Variants in CDK9 observed in about 807,000 individuals in gnomAD.
The protein encoded by CDK9 is cyclin-dependent kinase 9.
Under a neutral mutation model 39.0 loss-of-function variants are expected in CDK9, and 34 were observed. That is an observed-to-expected ratio of 0.87 (90% CI 0.66 to 1.16). The LOEUF is 1.16. CDK9 is among the 50% of genes most tolerant of loss of function. CDK9 has a pLI of 0.00. For missense variants in CDK9, 369 were observed against 503.2 expected (o/e 0.73, Z 2.55); for synonymous variants, 233 against 196.2 (o/e 1.19, Z -1.57).
chr9:127,789,044 T>G lies in CDK9; in HGVS notation c.754-134T>G, dbSNP rs1025022662. The G allele has an allele frequency of 2.4e-5, 29 of 1,193,928 alleles. No individual in the cohort carries two copies. Among genetic ancestry groups the G allele is most frequent in the Admixed American group, 1.2e-4 (5 of 40,140 alleles). 74.0% of individuals were successfully genotyped at this position (1,193,928 alleles called of 1,614,324 possible). Reference sequence around the variant, plus strand: ...GCCAATCCATAGCGGGCACTGCTTCTGGGAGGGGTCGAGTAGCAGTCTGGG... The same window carrying G: ...GCCAATCCATAGCGGGCACTGCTTCGGGGAGGGGTCGAGTAGCAGTCTGGG... On this transcript the variant is annotated intron_variant, in intron 6 of 6. Transcript: ENST00000373264. This position sits in a 1 kb window ranked among gnomAD's most constrained non-coding sequence, Gnocchi z 5.2.
intron 2 of CDK9, 113 bp from the exon 3 acceptor site, chr9:127,787,405 G>A (rs1295667517): frequency 1.5e-6 from 1 of 660,204 alleles, no homozygotes; most frequent in African/African-American, 1.8e-5. Flanking sequence ...GAGACAGCTG[G>A]TTTCAGAGCC....
Position 127,790,276 on chromosome 9 carries a change from T to G in CDK9, c.*733T>G, listed in dbSNP as rs934074669. 1 of 152,232 alleles carries G rather than the reference T, an allele frequency of 6.6e-6. No individual in the cohort carries two copies. The highest frequency in any genetic ancestry group is 1.5e-5 in the Non-Finnish European group (1 of 68,054). 9.4% of individuals were successfully genotyped at this position (152,232 alleles called of 1,614,324 possible). On this transcript the variant is annotated 3_prime_UTR_variant, in exon 7 of 7. Coordinates refer to ENST00000373264, the MANE Select transcript of CDK9 (RefSeq NM_001261.4). ...AAAGGACCTTTGTCTGTTTTTCCTC[T>G]TGGGTGCCTTCCAGAACGCATCTCA... is the stretch of plus-strand genomic sequence containing the variant.
Position 127,789,876 on chromosome 9 carries a change from T to C in CDK9, c.*333T>C, listed in dbSNP as rs1829396932. On this transcript the variant is annotated 3_prime_UTR_variant, in exon 7 of 7. Coordinates refer to ENST00000373264, the MANE Select transcript of CDK9 (RefSeq NM_001261.4). The surrounding 1 kb of genome is among the most constrained non-coding windows in gnomAD (Gnocchi z 5.2). ...GGTCCCTCACCCACCCACAATCCTA[T>C]TCTCGGGCTGAGAACCCTGCGTGGG... The C allele has an allele frequency of 3.3e-6, 1 of 306,792 alleles. No homozygotes were observed. The highest frequency in any genetic ancestry group is 6.2e-6 in the Non-Finnish European group (1 of 162,236). The allele number at this position is 306,792 out of a possible 1,614,324, so 19.0% of individuals were successfully genotyped here.
In CDK9 at chr9:127,789,412, A is replaced by G; in HGVS notation, c.988A>G (p.Thr330Ala). The part of the protein sequence containing the change: ...MPSDLKGMLS[T>A]HLTSMFEYLA... Reference sequence around the variant, plus strand: ...CTCCGACCTCAAGGGCATGCTCTCCACCCACCTGACGTCCATGTTCGAGTA... The same window carrying G: ...CTCCGACCTCAAGGGCATGCTCTCCGCCCACCTGACGTCCATGTTCGAGTA... The change falls in exon 7 of 7, where the codon ACC (threonine) becomes GCC (alanine). Residue 330 changes from threonine (T) to alanine (A), a missense_variant. Thr to Ala is a moderately conservative substitution (Grantham distance 58). Coordinates refer to ENST00000373264, the MANE Select transcript of CDK9 (RefSeq NM_001261.4). This position sits in a 1 kb window ranked among gnomAD's most constrained non-coding sequence, Gnocchi z 5.2. 1 of 1,613,626 alleles carries G rather than the reference A, an allele frequency of 6.2e-7. No individual in the cohort carries two copies. The highest frequency in any genetic ancestry group is 8.5e-7 in the Non-Finnish European group (1 of 1,179,938).
In CDK9 at chr9:127,789,838, G is replaced by A; in HGVS notation, c.*295G>A. The A allele has an allele frequency of 2.5e-6, 1 of 400,742 alleles. No individual in the cohort carries two copies. The highest frequency in any genetic ancestry group is 5.4e-5 in the East Asian group (1 of 18,514). 24.8% of individuals were successfully genotyped at this position (400,742 alleles called of 1,614,324 possible). ...TTTTTCTAAGAGCTCCCGGCGTGGT[G>A]GAAGAGGGGACAGGTCCCTCACCCA... On this transcript the variant is annotated 3_prime_UTR_variant, in exon 7 of 7. Coordinates refer to ENST00000373264, the MANE Select transcript of CDK9 (RefSeq NM_001261.4). The surrounding 1 kb of genome is among the most constrained non-coding windows in gnomAD (Gnocchi z 5.2).
Position 127,788,239 on chromosome 9 carries a change from C to CT in CDK9, c.459dup (p.Asn154Ter). On this transcript the variant is annotated frameshift_variant, in exon 5 of 7. Coordinates refer to ENST00000373264, the MANE Select transcript of CDK9 (RefSeq NM_001261.4). LOFTEE classifies it high-confidence loss of function. ...ATCCTGCATAGGGACATGAAGGCTG[C>CT]TAATGTGCTTATCACTCGTGATGGG... 1 of 1,613,932 alleles carries CT rather than the reference C, an allele frequency of 6.2e-7. No individual in the cohort carries two copies. The highest frequency in any genetic ancestry group is 8.5e-7 in the Non-Finnish European group (1 of 1,180,042).
In CDK9 at chr9:127,788,634, A is replaced by G. The variant is rs1829373761; in HGVS notation, c.695A>G (p.Asn232Ser). The change falls in exon 6 of 7, where the codon AAC (asparagine) becomes AGC (serine). Residue 232 changes from asparagine (N) to serine (S), a missense_variant. Coordinates refer to ENST00000373264, the MANE Select transcript of CDK9 (RefSeq NM_001261.4). ...ACCCGCAGCCCCATCATGCAGGGCA[A>G]CACGGAGCAGCACCAACTCGCCCTC... is the stretch of plus-strand genomic sequence containing the variant. ...MWTRSPIMQG[N>S]TEQHQLALIS... The G allele has an allele frequency of 6.2e-7, 1 of 1,611,474 alleles. No individual in the cohort carries two copies. The highest frequency in any genetic ancestry group is 8.5e-7 in the Non-Finnish European group (1 of 1,179,260).
rs1233508654 is a variant in CDK9, at chr9:127,788,047, G to A, written c.366G>A (p.Thr122=). The A allele has an allele frequency of 3.7e-6, 6 of 1,614,190 alleles. No individual in the cohort carries two copies. The highest frequency in any genetic ancestry group is 2.2e-5 in the East Asian group (1 of 44,890). ...TGAGCAATGTTTTGGTCAAGTTCAC[G>A]CTGTCTGAGATCAAGAGGGTGATGC... ...GLLSNVLVKF[T]LSEIKRVMQM... Residue 122 remains threonine, a synonymous_variant, in exon 4 of 7, where the codon ACG becomes ACA. Transcript: ENST00000373264.
At chr9:127,788,512 A>C in intron 5 of CDK9, 32 bp from the exon 6 acceptor site, 1 of 1,537,784 alleles carries the variant, frequency 6.5e-7, no homozygotes, top group Non-Finnish European at 8.8e-7. Flanking sequence ...CCTCGGGCTC[A>C]AGGGGCCCTC....
chr9:127,787,913 T>C, intron 3 of CDK9, 34 bp from the exon 4 acceptor site: 4 of 1,610,788 alleles, frequency 2.5e-6, no homozygotes, highest in Non-Finnish European at 3.4e-6. Context: ...GGTGTGGTTT[T>C]CTTGACTTTT....
Position 127,786,211 on chromosome 9 carries a change from G to A in CDK9, c.63G>A (p.Lys21=). 6.2e-7 allele frequency: 1 copy of A among 1,609,612 alleles called. No individual in the cohort carries two copies. Among genetic ancestry groups the A allele is most frequent in the Non-Finnish European group, 8.5e-7 (1 of 1,178,428 alleles). Residue 21 remains lysine (K), a synonymous_variant, in exon 1 of 7, where the codon AAG becomes AAA. Transcript: ENST00000373264. ...GTGATGAAGTTTCCAAATACGAGAA[G>A]CTCGCCAAGATCGGCCAAGGCACCT... ...PFCDEVSKYE[K]LAKIGQGTFG... is the part of the protein sequence containing the mutation.
At position 127,790,089 on chromosome 9, in the gene CDK9, T is replaced by TG. The variant is rs1197080020; in HGVS notation, c.*546_*547insG. ...AGTTGAATTTTTTTTTTTTTTAAAT[T>TG]TTTTTTTTTCCTCCAGGACTTGTGT... On this transcript the variant is annotated 3_prime_UTR_variant, in exon 7 of 7. Transcript: ENST00000373264. 2.6e-5 allele frequency: 4 copies of TG among 151,474 alleles called. No individual in the cohort carries two copies. Among genetic ancestry groups the TG allele is most frequent in the African/African-American group, 9.8e-5 (4 of 40,848 alleles). The allele number at this position is 151,474 out of a possible 1,614,324, so 9.4% of individuals were successfully genotyped here. A position where few individuals can be genotyped will look rare whatever the true frequency, so the allele number is the denominator to read the frequency against.
chr9:127,788,562 C>A lies in CDK9; in HGVS notation c.623C>A (p.Pro208His). Reference sequence around the variant, plus strand: ...TTCCCAGGGGAGCGGGACTACGGCCCCCCCATTGACCTGTGGGGTGCTGGG... The same window carrying A: ...TTCCCAGGGGAGCGGGACTACGGCCACCCCATTGACCTGTGGGGTGCTGGG... ...ELLLGERDYG[P>H]PIDLWGAGCI... Residue 208 changes from proline (P) to histidine (H), a missense_variant, in exon 6 of 7, where the codon CCC becomes CAC. Coordinates refer to ENST00000373264, the MANE Select transcript of CDK9 (RefSeq NM_001261.4). 1 of 1,572,124 alleles carries A rather than the reference C, an allele frequency of 6.4e-7. No individual in the cohort carries two copies. Among genetic ancestry groups the A allele is most frequent in the South Asian group, 1.2e-5 (1 of 85,940 alleles).
chr9:127,786,121 GGGCGGCGGCGGCGCGTTGGA>G lies in CDK9; in HGVS notation c.-21_-2del, dbSNP rs754847349. 53 of 1,556,084 alleles carry G rather than the reference GGGCGGCGGCGGCGCGTTGGA, an allele frequency of 3.4e-5. No homozygotes were observed. Among genetic ancestry groups the G allele is most frequent in the Non-Finnish European group, 4.4e-5 (50 of 1,141,234 alleles). On this transcript the variant is annotated 5_prime_UTR_variant, in exon 1 of 7. Transcript: ENST00000373264. ...CAGGAGCGGCGGCAGCAGCGACTGG[GGGCGGCGGCGGCGCGTTGGA>G]GGCGGCCATGGCAAAGCAGTACGAC...
rs548699255 is a variant in CDK9 at position 127,789,612 on chromosome 9, A to G, written c.*69A>G. On this transcript the variant is annotated 3_prime_UTR_variant, in exon 7 of 7. Transcript: ENST00000373264. This position sits in a 1 kb window ranked among gnomAD's most constrained non-coding sequence, Gnocchi z 5.2. ...GCTATGTGACTTGCATCGTGGAGAC[A>G]GGGCATTTGAGTTTATATCTCTCAT... is the stretch of plus-strand genomic sequence containing the variant. 3.9e-6 allele frequency: 6 copies of G among 1,547,388 alleles called. No individual in the cohort carries two copies. The South Asian group carries it at 4.9e-5, about 13-fold the overall frequency.
In CDK9 at chr9:127,786,324, G is replaced by A. The variant is rs1829317067; in HGVS notation, c.92+84G>A. 8 of 1,119,336 alleles carry A rather than the reference G, an allele frequency of 7.1e-6. No homozygotes were observed. In the South Asian group the frequency reaches 9.1e-5, roughly 13 times the overall value. The allele number at this position is 1,119,336 out of a possible 1,614,324, so 69.3% of individuals were successfully genotyped here. On this transcript the variant is annotated intron_variant, in intron 1 of 6. Coordinates refer to ENST00000373264, the MANE Select transcript of CDK9 (RefSeq NM_001261.4). ...GGGATGCCCGGGCCCCCCCCGAGTT[G>A]GTAGAGAAGTCGTCTGTCCCCGGGC...
intron 1 of CDK9, 125 bp from the exon 2 acceptor site, chr9:127,786,576 C>T: frequency 2.4e-6 from 2 of 818,486 alleles, no homozygotes; most frequent in East Asian, 2.7e-5. Flanking sequence ...AGCCGCGTGC[C>T]CTGGGTACCT....
intron 2 of CDK9, 35 bp downstream of exon 2, chr9:127,786,817 A>G (rs1020521376): frequency 1.9e-6 from 3 of 1,591,810 alleles, no homozygotes; most frequent in Non-Finnish European, 2.6e-6. Context: ...CCGGCCGGCT[A>G]ACTGCCCGGG....
intron 2 of CDK9, 114 bp from the exon 3 acceptor site, chr9:127,787,404 G>T: frequency 1.5e-6 from 1 of 655,364 alleles, no homozygotes; most frequent in South Asian, 2.0e-5. Context: ...TGAGACAGCT[G>T]GTTTCAGAGC....
Sources: gnomAD v4.1 joint callset for allele counts on GRCh38, gnomAD v4.1.1 for gene constraint, Gnocchi (gnomAD v3.1) non-coding constraint, MANE v1.5 for transcripts, NCBI Gene and HGNC (gene_info 2026-07-23, HGNC 2026-07-21) for gene names.